Variants in PLXNA4 observed in about 807,000 individuals in gnomAD.
PLXNA4 encodes the protein plexin-A4.
A neutral mutation model predicts 191.8 loss-of-function variants in PLXNA4; 44 were observed. That is an observed-to-expected ratio of 0.23 (90% confidence interval 0.18 to 0.29). The LOEUF is 0.29. PLXNA4 is among the 10% of genes least tolerant of loss of function. PLXNA4 has a pLI of 1.00. For synonymous variants in PLXNA4, 1,082 were observed against 1,009.5 expected (o/e 1.07, Z -1.36); for missense variants, 1,800 against 2,488.8 (o/e 0.72, Z 5.89).
intron 3 of PLXNA4, among the ~76,000 whole-genome samples, chr7:132,420,110 G>A (rs1433447952): frequency 3.3e-5 from 5 of 152,134 alleles, no homozygotes; most frequent in Non-Finnish European, 7.3e-5. Flanking sequence ...GTGGGAGTGA[G>A]GGGATCCCCA....
At chr7:132,390,765 G>C (rs967422143) in intron 3 of PLXNA4, among the ~76,000 whole-genome samples, 1 of 151,982 alleles carries the variant, frequency 6.6e-6, no homozygotes, top group Non-Finnish European at 1.5e-5. Context: ...GCCCCACCCT[G>C]CCTTTCAGCA....
At chr7:132,257,325 T>C (rs1799467744) in intron 4 of PLXNA4, among the ~76,000 whole-genome samples, 1 of 152,212 alleles carries the variant, frequency 6.6e-6, no homozygotes. Flanking sequence ...AATCACTCTT[T>C]GGCCAACATG....
At chr7:132,313,748 G>A (rs1801838110) in intron 3 of PLXNA4, among the ~76,000 whole-genome samples, 1 of 152,180 alleles carries the variant, frequency 6.6e-6, no homozygotes, top group African/African-American at 2.4e-5. Context: ...TAGGACAATT[G>A]AGTCACTGTC....
At chr7:132,280,261 C>A (rs1800430667) in intron 4 of PLXNA4, among the ~76,000 whole-genome samples, 1 of 151,282 alleles carries the variant, frequency 6.6e-6, no homozygotes, top group Non-Finnish European at 1.5e-5. Context: ...AAGAATGAGA[C>A]AAGAGATCGA....
At chr7:132,296,989 TG>T (rs1465160072) in intron 4 of PLXNA4, among the ~76,000 whole-genome samples, 1 of 152,040 alleles carries the variant, frequency 6.6e-6, no homozygotes, top group Non-Finnish European at 1.5e-5. Context: ...CAGGAGAAGA[TG>T]TCATCGAGCT....
chr7:132,648,613 G>A (rs1803931378), exon 1 of PLXNA4: 2 of 152,188 alleles, frequency 1.3e-5, no homozygotes, highest in Non-Finnish European at 2.9e-5. Context: ...ATTGGGCTGT[G>A]TCCCAAAACG....
chr7:132,181,358 G>T, intron 18 of PLXNA4, 23 bp downstream of exon 18: 1 of 934,894 alleles, frequency 1.1e-6, no homozygotes, highest in Non-Finnish European at 1.6e-6. Flanking sequence ...TCCCACCCCC[G>T]CCTCCCACCA....
At chr7:132,611,288 T>C (rs1803041895) in intron 2 of PLXNA4, among the ~76,000 whole-genome samples, 1 of 152,216 alleles carries the variant, frequency 6.6e-6, no homozygotes, top group Non-Finnish European at 1.5e-5. Flanking sequence ...AACTGCAAAG[T>C]TGCATTACTT....
intron 6 of PLXNA4, 45 bp from the exon 7 acceptor site, chr7:132,227,649 G>A: frequency 1.2e-6 from 2 of 1,612,638 alleles, no homozygotes; most frequent in Non-Finnish European, 8.5e-7. Context: ...GGGTGAAATG[G>A]GAAAAGGACA....
At chr7:132,277,149 G>A (rs909548207) in intron 4 of PLXNA4, among the ~76,000 whole-genome samples, 6 of 152,126 alleles carry the variant, frequency 3.9e-5, no homozygotes, top group African/African-American at 9.7e-5. Flanking sequence ...CCAGAAACAC[G>A]GGGTTGCTTA....
intron 3 of PLXNA4, among the ~76,000 whole-genome samples, chr7:132,405,509 C>G (rs1199201413): frequency 6.6e-6 from 1 of 152,124 alleles, no homozygotes; most frequent in Admixed American, 6.5e-5. Flanking sequence ...AATGGAGAGT[C>G]CTGGTTACTG....
chr7:132,310,582 G>A (rs1285687447), intron 3 of PLXNA4, among the ~76,000 whole-genome samples: 2 of 152,152 alleles, frequency 1.3e-5, no homozygotes, highest in African/African-American at 4.8e-5. Flanking sequence ...TAGCACTAAG[G>A]GCACCCGCAG....
At position 132,384,973 on chromosome 7, in the gene PLXNA4, C is replaced by T. The variant is rs554497152; in HGVS notation, c.1372-86751G>A. ...CCATTGTCCAAAATTACCCATGGGA[C>T]GCTTGGGGCAGAGAAAAGAGACCAA... is the stretch of plus-strand genomic sequence containing the variant. On this transcript the variant is annotated intron_variant, in intron 3 of 31. Transcript: ENST00000321063. 522 of 1,360,334 alleles carry T rather than the reference C, an allele frequency of 3.8e-4. 1 individual carries two copies. In the South Asian group the frequency reaches 4.1e-3, roughly 11 times the overall value. The allele number at this position is 1,360,334 out of a possible 1,614,324, so 84.3% of individuals were successfully genotyped here.
Position 132,182,207 on chromosome 7 carries a change from A to G in PLXNA4, c.3159-17T>C, listed in dbSNP as rs748279535. 6.2e-7 allele frequency: 1 copy of G among 1,613,668 alleles called. No individual in the cohort carries two copies. On this transcript the variant is annotated splice_polypyrimidine_tract_variant and intron_variant, in intron 16 of 31. Transcript: ENST00000321063. ...GTGTTTCCACTGAGCAGGAAGAAAG[A>G]AGGAGATGTGTAAATGATAAGTTCA...
intron 1 of PLXNA4, among the ~76,000 whole-genome samples, chr7:132,561,694 CCTCCTACTCTTCCTCCTCCTCCTT>C (rs1801099427): frequency 7.2e-6 from 1 of 139,546 alleles, no homozygotes; most frequent in Admixed American, 7.1e-5. Context: ...TCCTTCACCT[CCTCCTACTCTTCCTCCTCCTCCTT>C]CTCCTCCTCT....
At chr7:132,392,617 C>G (rs1793546057) in intron 3 of PLXNA4, among the ~76,000 whole-genome samples, 1 of 152,254 alleles carries the variant, frequency 6.6e-6, no homozygotes, top group Non-Finnish European at 1.5e-5. Flanking sequence ...CAGTGCTCTT[C>G]TACAGTGAGG....
chr7:132,424,731 A>T (rs1251477781), intron 3 of PLXNA4, among the ~76,000 whole-genome samples: 2 of 152,252 alleles, frequency 1.3e-5, no homozygotes, highest in East Asian at 3.8e-4. Flanking sequence ...CCAGTTACCC[A>T]GATCTGATGG....
In PLXNA4 at chr7:132,148,537, C is replaced by G. The variant is rs772387219; in HGVS notation, c.4764+6G>C. 1.2e-6 allele frequency: 2 copies of G among 1,613,980 alleles called. No homozygotes were observed. The highest frequency in any genetic ancestry group is 2.7e-5 in the African/African-American group (2 of 74,922). On this transcript the variant is annotated splice_donor_region_variant and intron_variant, in intron 26 of 31. Transcript: ENST00000321063. ...CTAGCTCCTCCCCTTTCCACATTCC[C>G]CTCACCTGGTAGTGGGCCAGTGTGT...
intron 3 of PLXNA4, among the ~76,000 whole-genome samples, chr7:132,428,147 C>A (rs552991831): frequency 6.6e-6 from 1 of 152,150 alleles, no homozygotes; most frequent in Admixed American, 6.5e-5. Context: ...TTCTGCCTGC[C>A]CCCACCAGAG....
Sources: allele counts gnomAD v4.1 joint callset (sites outside exome capture counted in the v4.1 genomes callset), GRCh38; gene constraint gnomAD v4.1.1; transcripts MANE v1.5; gene names NCBI Gene and HGNC (gene_info 2026-07-23, HGNC 2026-07-21).